Variants in GARS1 observed in about 807,000 individuals in gnomAD.
GARS1 encodes glycyl-tRNA synthetase 1.
GARS1 carries 46 observed loss-of-function variants against 86.4 expected under a neutral mutation model. That is an observed-to-expected ratio of 0.53 (90% CI 0.42 to 0.68). The LOEUF is 0.68. Ranked by LOEUF, GARS1 falls within the 30% of genes least tolerant of loss-of-function variation. The pLI is 0.00. For synonymous variants in GARS1, 342 were observed against 329.8 expected, an observed-to-expected ratio of 1.04 and a Z score of -0.40; for missense variants, 797 against 915.6, an observed-to-expected ratio of 0.87 and a Z score of 1.67.
intron 13 of GARS1, 181 bp from the exon 14 acceptor site, chr7:30,628,379 T>G: frequency 2.1e-6 from 1 of 483,548 alleles, no homozygotes; most frequent in Non-Finnish European, 4.0e-6. Flanking sequence ...GAGACGGGGT[T>G]TCACCATGTT....
intron 13 of GARS1, among the ~76,000 whole-genome samples, chr7:30,626,582 C>T (rs1399384087): frequency 6.6e-6 from 1 of 152,204 alleles, no homozygotes; most frequent in African/African-American, 2.4e-5. Context: ...AACTCCTAGG[C>T]TCAAGCAGTC....
intron 10 of GARS1, among the ~76,000 whole-genome samples, chr7:30,618,932 A>G (rs1782944043): frequency 6.6e-6 from 1 of 152,182 alleles, no homozygotes; most frequent in Non-Finnish European, 1.5e-5. Flanking sequence ...TACACTTTTT[A>G]GATTTTCTGG....
chr7:30,601,027 T>C, intron 3 of GARS1, 32 bp from the exon 4 acceptor site: 1 of 1,609,764 alleles, frequency 6.2e-7, no homozygotes, highest in Non-Finnish European at 8.5e-7. Flanking sequence ...AGTAACAAGG[T>C]AAAGTATGTG....
At chr7:30,601,610 G>A (rs988725893) in intron 4 of GARS1, among the ~76,000 whole-genome samples, 5 of 152,164 alleles carry the variant, frequency 3.3e-5, no homozygotes, top group Non-Finnish European at 5.9e-5. Flanking sequence ...TGACTGCACC[G>A]AATATCTTGA....
At chr7:30,604,458 A>T (rs1213936697) in intron 6 of GARS1, among the ~76,000 whole-genome samples, 5 of 152,214 alleles carry the variant, frequency 3.3e-5, no homozygotes, top group Non-Finnish European at 7.3e-5. Flanking sequence ...GCCTGAATAT[A>T]GAACTCCCTA....
rs763282540 is a variant in GARS1, at chr7:30,627,020, A to G, written c.1699+701A>G. The G allele has an allele frequency of 1.5e-5, 7 of 454,124 alleles. No individual in the cohort carries two copies. In the East Asian group the frequency reaches 5.0e-4, roughly 32 times the overall value. 28.1% of individuals were successfully genotyped at this position (454,124 alleles called of 1,614,324 possible). ...AAGTAATTTAGACCAGTGATGTTGCATGCTTTTTTAAAAGTTAAGAAGATG... is the reference window on the plus strand; with the variant it reads ...AAGTAATTTAGACCAGTGATGTTGCGTGCTTTTTTAAAAGTTAAGAAGATG... On this transcript the variant is annotated intron_variant, in intron 13 of 16. Coordinates refer to ENST00000389266, the MANE Select transcript of GARS1 (RefSeq NM_002047.4).
intron 13 of GARS1, among the ~76,000 whole-genome samples, chr7:30,627,449 C>T (rs946410273): frequency 1.3e-5 from 2 of 152,192 alleles, no homozygotes; most frequent in Non-Finnish European, 2.9e-5. Context: ...GCTCTCTTTT[C>T]CCATATGTGT....
At position 30,609,692 on chromosome 7, in the gene GARS1, G is replaced by A. The variant is rs545669679; in HGVS notation, c.843G>A (p.Met281Ile). ...CCCCTCCAGTGTCTTTTAACTTAAT[G>A]TTCAAGACTTTCATTGGGCCTGGAG... Reference protein sequence around the residue: ...DLSPPVSFNLMFKTFIGPGGN... With the variant: ...DLSPPVSFNLIFKTFIGPGGN... Residue 281 changes from methionine to isoleucine, a missense_variant, in exon 7 of 17, where the codon ATG (methionine) becomes ATA (isoleucine). Transcript: ENST00000389266. 51 of 1,613,504 alleles carry A rather than the reference G, an allele frequency of 3.2e-5. 1 individual carries two copies. In the South Asian group the frequency reaches 3.5e-4, roughly 11 times the overall value.
At chr7:30,617,915 G>A (rs1782921733) in intron 10 of GARS1, among the ~76,000 whole-genome samples, 1 of 152,150 alleles carries the variant, frequency 6.6e-6, no homozygotes. Context: ...AGGAAATGTG[G>A]CATCTAAAAC....
chr7:30,631,557 TG>T lies in GARS1; in HGVS notation c.1903+19del, dbSNP rs1465490651. 1 of 1,544,814 alleles carries T rather than the reference TG, an allele frequency of 6.5e-7. No individual in the cohort carries two copies. The highest frequency in any genetic ancestry group is 1.4e-5 in the African/African-American group (1 of 73,356). On this transcript the variant is annotated intron_variant, in intron 15 of 16. Coordinates refer to ENST00000389266, the MANE Select transcript of GARS1 (RefSeq NM_002047.4). ...AAGGAATTATGTAAGCAAATTCAAT[TG>T]GGTAAACTCCATGGGAACACCATCA...
At position 30,612,253 on chromosome 7, in the gene GARS1, T is replaced by G. The variant is rs1185872135; in HGVS notation, c.1031+8T>G. 1 of 1,613,370 alleles carries G rather than the reference T, an allele frequency of 6.2e-7. No individual in the cohort carries two copies. The highest frequency in any genetic ancestry group is 1.7e-5 in the Admixed American group (1 of 60,004). On this transcript the variant is annotated splice_region_variant and intron_variant, in intron 8 of 16. Coordinates refer to ENST00000389266, the MANE Select transcript of GARS1 (RefSeq NM_002047.4). ...TGGACTGATCAGAGTCAGGTACTGC[T>G]CAGGTTACTCTTACAAATTAGTGAA...
At chr7:30,622,498 A>G in intron 12 of GARS1, 36 bp downstream of exon 12, 1 of 1,612,796 alleles carries the variant, frequency 6.2e-7, no homozygotes, top group Non-Finnish European at 8.5e-7. Flanking sequence ...CATGGGCTCC[A>G]GTCAGTTGTG....
In GARS1 at chr7:30,598,492, G is replaced by A. The variant is rs113551895; in HGVS notation, c.223-304G>A. ...CAACCTCCGCCTTCCGGGTTCAAGT[G>A]ATTCTCCTGCCTCAGCCTCCCAAGT... On this transcript the variant is annotated intron_variant, in intron 1 of 16. Transcript: ENST00000389266. Among the ~76,000 whole-genome samples, 5,652 of 148,392 alleles carry A rather than the reference G, an allele frequency of 0.038. 353 individuals carry two copies. The highest frequency in any genetic ancestry group is 0.13 in the African/African-American group (5,334 of 40,180).
At position 30,631,464 on chromosome 7, in the gene GARS1, C is replaced by T; in HGVS notation, c.1826C>T (p.Ala609Val). Residue 609 changes from alanine (A) to valine (V), a missense_variant, in exon 15 of 17, where the codon GCT (alanine) becomes GTT (valine). By Grantham distance (64) the Ala-to-Val change is moderately conservative. This residue lies in a region of GARS1 where 598 missense variants were observed against 738.7 expected (regional missense o/e 0.81). Coordinates refer to ENST00000389266, the MANE Select transcript of GARS1 (RefSeq NM_002047.4). ...ATCATCCAGTTCTTCAGTTTCCCTG[C>T]TGTAGTTGCTCCATTCAAATGTTCC... ...DEQRTFFSFP[A>V]VVAPFKCSVL... 1 of 1,613,034 alleles carries T rather than the reference C, an allele frequency of 6.2e-7. No homozygotes were observed. Among genetic ancestry groups the T allele is most frequent in the Non-Finnish European group, 8.5e-7 (1 of 1,179,144 alleles).
Position 30,622,392 on chromosome 7 carries a change from G to T in GARS1, c.1543G>T (p.Val515Leu). 6.2e-7 allele frequency: 1 copy of T among 1,614,152 alleles called. No individual in the cohort carries two copies. The highest frequency in any genetic ancestry group is 8.5e-7 in the Non-Finnish European group (1 of 1,180,010). The change falls in exon 12 of 17, where the codon GTG (valine) becomes TTG (leucine). Residue 515 changes from valine (V) to leucine (L), a missense_variant. Around this residue, in one of 2 missense-constraint regions of GARS1, gnomAD observed 598 missense variants for 738.7 expected, o/e 0.81. Coordinates refer to ENST00000389266, the MANE Select transcript of GARS1 (RefSeq NM_002047.4). ...GKAYKKDAKL[V>L]MEYLAICDEC... ...GGCATATAAGAAGGATGCAAAACTGGTGATGGAGTATCTTGCCATTTGTGA... is the reference window on the plus strand; with the variant it reads ...GGCATATAAGAAGGATGCAAAACTGTTGATGGAGTATCTTGCCATTTGTGA...
At chr7:30,597,278 C>G (rs1791272351) in intron 1 of GARS1, among the ~76,000 whole-genome samples, 2 of 152,066 alleles carry the variant, frequency 1.3e-5, no homozygotes, top group South Asian at 4.1e-4. Context: ...GGTGAAAGAG[C>G]CATTCAAAGC....
At chr7:30,621,602 T>A in intron 11 of GARS1, 102 bp downstream of exon 11, 1 of 865,292 alleles carries the variant, frequency 1.2e-6, no homozygotes, top group Non-Finnish European at 2.0e-6. Flanking sequence ...AATGGAGATG[T>A]TTTAGACACT....
chr7:30,624,607 C>A (rs1783089046), intron 12 of GARS1, among the ~76,000 whole-genome samples: 1 of 151,610 alleles, frequency 6.6e-6, no homozygotes, highest in Admixed American at 6.6e-5. Flanking sequence ...CTAGAGCAAT[C>A]ACCTGGAAAA....
At chr7:30,603,264 C>T in intron 5 of GARS1, 142 bp downstream of exon 5, 1 of 758,548 alleles carries the variant, frequency 1.3e-6, no homozygotes, top group Admixed American at 2.6e-5. Flanking sequence ...TAGATCAAGT[C>T]CTTTATTTTT....
Sources: allele counts gnomAD v4.1 joint callset (sites outside exome capture counted in the v4.1 genomes callset), GRCh38; gene constraint gnomAD v4.1.1; regional missense constraint gnomAD v4.1.1; transcripts MANE v1.5; gene names NCBI Gene and HGNC (gene_info 2026-07-23, HGNC 2026-07-21).